Variants in RPTOR observed in about 807,000 individuals in gnomAD.
RPTOR encodes the protein regulatory associated protein of MTOR complex 1.
RPTOR carries 21 observed loss-of-function variants against 169.9 expected under a neutral mutation model. The observed-to-expected ratio is 0.12, with a 90% CI of 0.09 to 0.18. RPTOR has a LOEUF of 0.18. Among genes scored for constraint, RPTOR ranks in the 10% least tolerant of loss-of-function variants. The pLI, the probability that RPTOR is intolerant of heterozygous loss-of-function variation, is 1.00. For synonymous variants in RPTOR, 732 were observed against 753.2 expected (o/e 0.97, Z 0.46); for missense variants, 1,133 against 1,855.9 (o/e 0.61, Z 7.16).
At chr17:80,961,343 G>A in intron 30 of RPTOR, 51 bp from the exon 31 acceptor site, 1 of 1,502,012 alleles carries the variant, frequency 6.7e-7, no homozygotes. Context: ...CCCGAAGGGT[G>A]GGGACGTCCT....
In RPTOR at chr17:80,957,713, C is replaced by G; in HGVS notation, c.3460C>G (p.Arg1154Gly). ...VRIVRIWDTDREMKVQDIPTG... is the reference protein window; with the variant it reads ...VRIVRIWDTDGEMKVQDIPTG... Reference sequence around the variant, plus strand: ...GATCGTCCGGATCTGGGACACAGACCGTGAGATGAAGGTGCAGGTAACCAT... The same window carrying G: ...GATCGTCCGGATCTGGGACACAGACGGTGAGATGAAGGTGCAGGTAACCAT... The change falls in exon 29 of 34, where the codon CGT becomes GGT. Residue 1154 changes from arginine to glycine, a missense_variant. By Grantham distance (125) the Arg-to-Gly change is moderately radical. Around this residue, in one of 9 missense-constraint regions of RPTOR, gnomAD observed 410 missense variants for 623.7 expected, o/e 0.66. Transcript: ENST00000306801. This position sits in a 1 kb window ranked among gnomAD's most constrained non-coding sequence, Gnocchi z 4.6. 1 of 1,614,064 alleles carries G rather than the reference C, an allele frequency of 6.2e-7. No individual in the cohort carries two copies. Among genetic ancestry groups the G allele is most frequent in the Admixed American group, 1.7e-5 (1 of 60,026 alleles).
chr17:80,939,158 T>C (rs2068991168), intron 24 of RPTOR, among the ~76,000 whole-genome samples: 1 of 152,250 alleles, frequency 6.6e-6, no homozygotes, highest in Non-Finnish European at 1.5e-5. Context: ...TCACAAGTCT[T>C]AGTTTCTTAG....
chr17:80,829,827 G>A (rs527542790), intron 9 of RPTOR, among the ~76,000 whole-genome samples: 3 of 152,318 alleles, frequency 2.0e-5, no homozygotes, highest in East Asian at 3.9e-4. Flanking sequence ...GCTGGGAAGT[G>A]CCAAATAAGT....
At chr17:80,690,567 TCTC>T (rs1161636838) in intron 3 of RPTOR, among the ~76,000 whole-genome samples, 7 of 151,748 alleles carry the variant, frequency 4.6e-5, no homozygotes, top group African/African-American at 1.7e-4. Context: ...GTCAGTGGCT[TCTC>T]CCCCCTTGCC....
chr17:80,632,399 T>C (rs1280399774), intron 2 of RPTOR, among the ~76,000 whole-genome samples: 1 of 152,220 alleles, frequency 6.6e-6, no homozygotes, highest in Non-Finnish European at 1.5e-5. Flanking sequence ...CTTCCCTGCC[T>C]GAGGAGCCTG....
chr17:80,931,449 G>T (rs189904211), intron 24 of RPTOR, among the ~76,000 whole-genome samples: 1 of 152,328 alleles, frequency 6.6e-6, no homozygotes, highest in East Asian at 1.9e-4. Context: ...ACCTTTGGGA[G>T]CCACAGGCTG....
rs542714589 is a variant in RPTOR, at chr17:80,704,404, G to A, written c.349-3437G>A. On this transcript the variant is annotated intron_variant, in intron 3 of 33. Transcript: ENST00000306801. ...GTCTCACCAAGAACACAAATAAACA[G>A]TTGATGAATCCATCACATCAGTGAT... Among the ~76,000 whole-genome samples, 21 of 152,328 alleles carry A rather than the reference G, an allele frequency of 1.4e-4. No homozygotes were observed. The East Asian group carries it at 3.9e-3, about 28-fold the overall frequency.
chr17:80,831,836 A>G (rs1042215805), intron 9 of RPTOR, among the ~76,000 whole-genome samples: 1 of 76,266 alleles, frequency 1.3e-5, no homozygotes, highest in Admixed American at 1.4e-4. Flanking sequence ...CCTGTGTGTC[A>G]CTGTGTATCC....
chr17:80,649,456 C>T (rs2065622666), intron 3 of RPTOR, among the ~76,000 whole-genome samples: 1 of 152,154 alleles, frequency 6.6e-6, no homozygotes, highest in South Asian at 2.1e-4. Flanking sequence ...TGACTTTCTT[C>T]TCTGTGGGTC....
At chr17:80,772,668 C>G (rs2066856402) in intron 6 of RPTOR, among the ~76,000 whole-genome samples, 1 of 151,524 alleles carries the variant, frequency 6.6e-6, no homozygotes, top group African/African-American at 2.4e-5. Context: ...GACCTTGTTT[C>G]ATTCACTAAA....
chr17:80,711,262 A>G (rs1417732824), intron 4 of RPTOR, among the ~76,000 whole-genome samples: 1 of 152,074 alleles, frequency 6.6e-6, no homozygotes, highest in Non-Finnish European at 1.5e-5. Context: ...TGTACCTTTT[A>G]TCAGTCTTTT....
Position 80,846,565 on chromosome 17 carries a change from C to G in RPTOR, c.1305C>G (p.Ile435Met). ...ENRNPPEQLPIVLQVLLSQVH... is the reference protein window; with the variant it reads ...ENRNPPEQLPMVLQVLLSQVH... Reference sequence around the variant, plus strand: ...GAAACCCACCCGAACAGCTGCCCATCGTCCTGCAGGTGAGTTTCTTCAGAC... The same window carrying G: ...GAAACCCACCCGAACAGCTGCCCATGGTCCTGCAGGTGAGTTTCTTCAGAC... Residue 435 changes from isoleucine to methionine, a missense_variant, in exon 11 of 34, where the codon ATC (isoleucine) becomes ATG (methionine). Around this residue, in one of 9 missense-constraint regions of RPTOR, gnomAD observed 289 missense variants for 585.8 expected, o/e 0.49. Coordinates refer to ENST00000306801, the MANE Select transcript of RPTOR (RefSeq NM_020761.3). 6.2e-7 allele frequency: 1 copy of G among 1,614,126 alleles called. No homozygotes were observed. Among genetic ancestry groups the G allele is most frequent in the South Asian group, 1.1e-5 (1 of 91,084 alleles).
intron 7 of RPTOR, among the ~76,000 whole-genome samples, chr17:80,807,315 T>G (rs958478188): frequency 6.6e-6 from 1 of 152,220 alleles, no homozygotes; most frequent in Non-Finnish European, 1.5e-5. Context: ...CCTTTTTTTT[T>G]CCTGTTGCTT....
intron 5 of RPTOR, among the ~76,000 whole-genome samples, chr17:80,752,155 G>A (rs536798116): frequency 6.6e-6 from 1 of 152,322 alleles, no homozygotes; most frequent in East Asian, 1.9e-4. Context: ...ACAGCCTGTG[G>A]TGTGTTCTTC....
intron 6 of RPTOR, among the ~76,000 whole-genome samples, chr17:80,783,534 C>A (rs1351983331): frequency 6.6e-6 from 1 of 152,128 alleles, no homozygotes; most frequent in African/African-American, 2.4e-5. Context: ...TTTTTAATGT[C>A]TTTTGAACCC....
At chr17:80,625,580 G>C in intron 1 of RPTOR, 111 bp from the exon 2 acceptor site, 1 of 785,076 alleles carries the variant, frequency 1.3e-6, no homozygotes, top group Non-Finnish European at 2.1e-6. Flanking sequence ...CTGGAGGGCA[G>C]GTGGGTAGGG....
rs929412791 is a variant in RPTOR at position 80,562,110 on chromosome 17, T to C, written c.162+16319T>C. 1.3e-5 allele frequency among the ~76,000 whole-genome samples: 2 copies of C among 151,988 alleles called. No homozygotes were observed. The highest frequency in any genetic ancestry group is 4.8e-5 in the African/African-American group (2 of 41,380). ...GTCTGGTGGCGGCTTGGGCTGGTAG[T>C]GACAGGCCCGGCAGCCCCAAGAGCC... On this transcript the variant is annotated intron_variant, in intron 1 of 33. Transcript: ENST00000306801. This position sits in a 1 kb window ranked among gnomAD's most constrained non-coding sequence, Gnocchi z 4.4.
chr17:80,939,237 G>A (rs957140899), intron 24 of RPTOR, among the ~76,000 whole-genome samples: 1 of 152,178 alleles, frequency 6.6e-6, no homozygotes, highest in Non-Finnish European at 1.5e-5. Context: ...GCGTAACCCA[G>A]ACAAGTGGCC....
chr17:80,927,450 G>C (rs1441809833), intron 24 of RPTOR, among the ~76,000 whole-genome samples: 1 of 152,186 alleles, frequency 6.6e-6, no homozygotes, highest in African/African-American at 2.4e-5. Context: ...TGATGAAAGA[G>C]GAATGGCATA....
Sources: gnomAD v4.1 joint callset for allele counts (sites outside exome capture counted in the v4.1 genomes callset) on GRCh38, gnomAD v4.1.1 for gene constraint, gnomAD v4.1.1 regional missense constraint, Gnocchi (gnomAD v3.1) non-coding constraint, MANE v1.5 for transcripts, NCBI Gene and HGNC (gene_info 2026-07-23, HGNC 2026-07-21) for gene names.